SPAG17: variants seen among roughly 807,000 people sequenced by gnomAD.
The protein encoded by SPAG17 is sperm associated antigen 17.
Under a neutral mutation model 273.6 loss-of-function variants are expected in SPAG17, and 169 were observed. The ratio of observed to expected loss-of-function variants is 0.62; its 90% confidence interval spans 0.55 to 0.70. SPAG17 has a LOEUF of 0.70. SPAG17 is among the 30% of genes least tolerant of loss of function. The pLI is 0.00. For missense variants in SPAG17, 2,557 were observed against 2,627.8 expected (o/e 0.97, Z 0.59); for synonymous variants, 825 against 873.2 (o/e 0.94, Z 0.97).
At position 118,086,772 on chromosome 1, in the gene SPAG17, T is replaced by C; in HGVS notation, c.1510A>G (p.Ile504Val). The C allele has an allele frequency of 6.2e-7, 1 of 1,614,186 alleles. No homozygotes were observed. Among genetic ancestry groups the C allele is most frequent in the Non-Finnish European group, 8.5e-7 (1 of 1,180,018 alleles). The change falls in exon 12 of 49, where the codon ATA (isoleucine) becomes GTA (valine). Residue 504 changes from isoleucine to valine, a missense_variant. Ile to Val is a conservative substitution (Grantham distance 29, BLOSUM62 3). Transcript: ENST00000336338. Reference sequence around the variant, plus strand: ...TCATTTTCTTCTTCAGATAAAAATATGTCATGAAGATTCTATGCAAATTGA... The same window carrying C: ...TCATTTTCTTCTTCAGATAAAAATACGTCATGAAGATTCTATGCAAATTGA... ...SEREKKNLHD[I>V]FLSEEENESK...
chr1:118,016,207 C>T, intron 28 of SPAG17, 25 bp from the exon 29 acceptor site: 1 of 1,558,048 alleles, frequency 6.4e-7, no homozygotes, highest in Non-Finnish European at 8.8e-7. Flanking sequence ...TAAAATCAAA[C>T]AACAACAATA....
At chr1:118,124,074 G>A (rs1174522171) in intron 3 of SPAG17, among the ~76,000 whole-genome samples, 1 of 152,176 alleles carries the variant, frequency 6.6e-6, no homozygotes, top group Non-Finnish European at 1.5e-5. Context: ...TTTTGTTTTT[G>A]TATACTTGCA....
At chr1:118,076,968 T>C (rs534925784) in intron 15 of SPAG17, among the ~76,000 whole-genome samples, 1 of 152,018 alleles carries the variant, frequency 6.6e-6, no homozygotes, top group South Asian at 2.1e-4. Context: ...AACTCTCAGG[T>C]TTTTCATAAA....
chr1:118,010,902 A>G (rs1004426140), intron 30 of SPAG17, among the ~76,000 whole-genome samples: 1 of 152,204 alleles, frequency 6.6e-6, no homozygotes, highest in Non-Finnish European at 1.5e-5. Context: ...ACCCCATTAA[A>G]AAGTGGGCAA....
At chr1:118,089,341 G>A (rs1006110448) in intron 10 of SPAG17, among the ~76,000 whole-genome samples, 1 of 151,586 alleles carries the variant, frequency 6.6e-6, no homozygotes, top group African/African-American at 2.4e-5. Flanking sequence ...ACGTGTGTGT[G>A]TGTGTGTGTG....
At position 118,099,862 on chromosome 1, in the gene SPAG17, C is replaced by A. The variant is rs1335475229; in HGVS notation, c.635-62G>T. 2.8e-6 allele frequency: 4 copies of A among 1,420,578 alleles called. No homozygotes were observed. In the African/African-American group the frequency reaches 4.3e-5, roughly 15 times the overall value. 88.0% of individuals were successfully genotyped at this position (1,420,578 alleles called of 1,614,324 possible). ...GTAAAAGAGAGCAGGTTGCACTCAGCCAGTTCAATGGCTATATACATTATG... is the reference window on the plus strand; with the variant it reads ...GTAAAAGAGAGCAGGTTGCACTCAGACAGTTCAATGGCTATATACATTATG... On this transcript the variant is annotated intron_variant, in intron 5 of 48. Transcript: ENST00000336338.
At chr1:118,150,655 G>C in intron 2 of SPAG17, 26 bp from the exon 3 acceptor site, 2 of 1,278,384 alleles carry the variant, frequency 1.6e-6, no homozygotes, top group Non-Finnish European at 2.2e-6. Flanking sequence ...ATTTACTTAT[G>C]ATGAAAAAAG....
intron 48 of SPAG17, chr1:117,961,749 T>C (rs1019840764): frequency 6.6e-6 from 1 of 152,224 alleles, no homozygotes; most frequent in Non-Finnish European, 1.5e-5. Flanking sequence ...GTGTTATTTG[T>C]TGGGCAGAAT....
At chr1:118,179,763 T>G (rs1660856826) in intron 1 of SPAG17, among the ~76,000 whole-genome samples, 1 of 151,876 alleles carries the variant, frequency 6.6e-6, no homozygotes, top group South Asian at 2.1e-4. Context: ...CCAAATAATC[T>G]GATTTAAAAA....
intron 3 of SPAG17, among the ~76,000 whole-genome samples, chr1:118,126,267 G>T (rs1446465608): frequency 6.9e-6 from 1 of 144,038 alleles, no homozygotes; most frequent in African/African-American, 2.6e-5. Context: ...GTGCAGTGGC[G>T]CGATCTCGGC....
At chr1:118,063,596 A>G (rs1439208121) in intron 18 of SPAG17, among the ~76,000 whole-genome samples, 1 of 152,242 alleles carries the variant, frequency 6.6e-6, no homozygotes, top group African/African-American at 2.4e-5. Context: ...AAGATGGATT[A>G]AAGACTTAAA....
intron 28 of SPAG17, among the ~76,000 whole-genome samples, chr1:118,020,074 A>T (rs972849307): frequency 6.6e-6 from 1 of 152,230 alleles, no homozygotes; most frequent in African/African-American, 2.4e-5. Flanking sequence ...ATTAAATAGT[A>T]GCTGGGGTAG....
At chr1:117,990,818 A>G (rs201139875) in intron 38 of SPAG17, 43 bp downstream of exon 38, 2 of 1,354,638 alleles carry the variant, frequency 1.5e-6, no homozygotes, top group East Asian at 2.4e-5. Flanking sequence ...GATTCCTTTG[A>G]AACTTGTAAA....
In SPAG17 at chr1:118,023,386, C is replaced by T. The variant is rs760216907; in HGVS notation, c.3987G>A (p.Thr1329=). 1.2e-6 allele frequency: 2 copies of T among 1,612,642 alleles called. No homozygotes were observed. Among genetic ancestry groups the T allele is most frequent in the South Asian group, 1.1e-5 (1 of 90,968 alleles). ...LICPPSEMPA[T]PHSGDLMDSI... is the part of the protein sequence containing the mutation. ...AGTCCATCAAATCTCCACTGTGAGG[C>T]GTTGCTGGCATTTCAGAAGGAGGAC... The change falls in exon 28 of 49, where the codon ACG becomes ACA. Residue 1329 remains threonine, a synonymous_variant. Coordinates refer to ENST00000336338, the MANE Select transcript of SPAG17 (RefSeq NM_206996.4).
chr1:117,999,219 C>A (rs1290632010), intron 32 of SPAG17, among the ~76,000 whole-genome samples: 1 of 152,008 alleles, frequency 6.6e-6, no homozygotes, highest in Non-Finnish European at 1.5e-5. Context: ...TTTTTTAATC[C>A]AGTCTATCAT....
At chr1:118,177,294 G>A (rs1475793715) in intron 1 of SPAG17, among the ~76,000 whole-genome samples, 1 of 152,156 alleles carries the variant, frequency 6.6e-6, no homozygotes, top group Admixed American at 6.6e-5. Context: ...CATGGCAGCA[G>A]GTGGGAAAGC....
intron 30 of SPAG17, among the ~76,000 whole-genome samples, chr1:118,011,536 C>T (rs866982404): frequency 4.6e-5 from 7 of 152,068 alleles, no homozygotes; most frequent in African/African-American, 9.6e-5. Flanking sequence ...ACACATGGAC[C>T]TATAGAGGGG....
chr1:117,961,888 C>T (rs186787081), intron 48 of SPAG17: 1 of 152,294 alleles, frequency 6.6e-6, no homozygotes, highest in Non-Finnish European at 1.5e-5. Context: ...TTCCTGCCAC[C>T]AGGGAGAGGA....
At chr1:118,082,100 C>T (rs1023588382) in intron 13 of SPAG17, among the ~76,000 whole-genome samples, 17 of 152,200 alleles carry the variant, frequency 1.1e-4, no homozygotes, top group Admixed American at 2.0e-4. Flanking sequence ...AGGCTTCCTC[C>T]TGTGCACATA....
Sources: gnomAD v4.1 joint callset for allele counts (sites outside exome capture counted in the v4.1 genomes callset) on GRCh38, gnomAD v4.1.1 for gene constraint, MANE v1.5 for transcripts, NCBI Gene and HGNC (gene_info 2026-07-23, HGNC 2026-07-21) for gene names.